Variants in MACF1 observed in about 807,000 individuals in gnomAD.
MACF1 encodes microtubule-actin cross-linking factor 1.
Under a neutral mutation model 854.8 loss-of-function variants are expected in MACF1, and 193 were observed. The ratio of observed to expected loss-of-function variants is 0.23; its 90% confidence interval spans 0.20 to 0.25. MACF1 has a LOEUF of 0.25. MACF1 is among the 10% of genes least tolerant of loss of function. MACF1 has a pLI of 1.00. For missense variants in MACF1, 7,722 were observed against 8,929.1 expected, an observed-to-expected ratio of 0.86 and a Z score of 5.45; for synonymous variants, 3,185 against 3,226.7, an observed-to-expected ratio of 0.99 and a Z score of 0.44.
chr1:39,479,974 C>T lies in MACF1; in HGVS notation c.22135C>T (p.Pro7379Ser). 1 of 1,584,850 alleles carries T rather than the reference C, an allele frequency of 6.3e-7. No homozygotes were observed. Among genetic ancestry groups the T allele is most frequent in the Non-Finnish European group, 8.6e-7 (1 of 1,160,964 alleles). Residue 7379 changes from proline (P) to serine (S), a missense_variant, in exon 98 of 101, where the codon CCA (proline) becomes TCA (serine). This residue lies in a region of MACF1 where 153 missense variants were observed against 342.5 expected (regional missense o/e 0.45). Coordinates refer to ENST00000564288, the MANE Select transcript of MACF1 (RefSeq NM_001394062.1). ...SQSNHSCTSM[P>S]SSPATPASGT... ...GAGTAACCACAGCTGTACATCCATG[C>T]CATCTTCTCCAGCCACCCCAGCCAG...
At chr1:39,132,132 A>G (rs972884028) in intron 2 of MACF1, among the ~76,000 whole-genome samples, 1 of 152,184 alleles carries the variant, frequency 6.6e-6, no homozygotes, top group South Asian at 2.1e-4. Context: ...TCAGAATTAG[A>G]TTGGGGGTAG....
rs963421570 is a variant in MACF1 at position 39,295,006 on chromosome 1, C to T, written c.2155-40C>T. 3 of 1,455,440 alleles carry T rather than the reference C, an allele frequency of 2.1e-6. No individual in the cohort carries two copies. The East Asian group carries it at 6.8e-5, about 33-fold the overall frequency. 90.2% of individuals were successfully genotyped at this position (1,455,440 alleles called of 1,614,324 possible). ...TATTTATGCTATCCGCTCCCCACTG[C>T]CAAGAGTGCTTATGCTGTAAAATTG... On this transcript the variant is annotated intron_variant, in intron 18 of 100. Transcript: ENST00000564288.
chr1:39,286,846 T>G (rs943266154), intron 14 of MACF1, among the ~76,000 whole-genome samples: 2 of 152,262 alleles, frequency 1.3e-5, no homozygotes, highest in Admixed American at 6.5e-5. Flanking sequence ...CACTGTAATT[T>G]GGCATTTGTC....
chr1:39,313,981 G>A (rs1340132132), intron 26 of MACF1, among the ~76,000 whole-genome samples: 1 of 152,082 alleles, frequency 6.6e-6, no homozygotes, highest in Non-Finnish European at 1.5e-5. Context: ...TCTCAACCCT[G>A]GAAATCAACT....
At chr1:39,095,293 T>C (rs1383103493) in intron 2 of MACF1, among the ~76,000 whole-genome samples, 2 of 152,168 alleles carry the variant, frequency 1.3e-5, no homozygotes, top group South Asian at 2.1e-4. Flanking sequence ...CTGGGTGCGG[T>C]GGCTCACGCC....
chr1:39,300,153 C>A, intron 21 of MACF1, 57 bp from the exon 22 acceptor site: 1 of 1,567,330 alleles, frequency 6.4e-7, no homozygotes, highest in Non-Finnish European at 8.7e-7. Flanking sequence ...TCTTTGTTGA[C>A]TTAGTCACCC....
chr1:39,134,327 T>A lies in MACF1; in HGVS notation c.220+49889T>A, dbSNP rs189397702. On this transcript the variant is annotated intron_variant, in intron 2 of 93. Transcript: ENST00000361689. Reference sequence around the variant, plus strand: ...TCCCAAAGTGCTGGGATTACAGGCATGAGCTACCGCACCCGGCCAGAAGAA... The same window carrying A: ...TCCCAAAGTGCTGGGATTACAGGCAAGAGCTACCGCACCCGGCCAGAAGAA... Among the ~76,000 whole-genome samples, 305 of 152,208 alleles carry A rather than the reference T, an allele frequency of 2.0e-3. 2 individuals carry two copies. Among genetic ancestry groups the A allele is most frequent in the African/African-American group, 7.1e-3 (295 of 41,518 alleles).
At chr1:39,133,766 A>G (rs916150367) in intron 2 of MACF1, among the ~76,000 whole-genome samples, 13 of 152,172 alleles carry the variant, frequency 8.5e-5, no homozygotes, top group African/African-American at 3.1e-4. Flanking sequence ...AGTACGATAC[A>G]TTGTTTGCTG....
intron 71 of MACF1, among the ~76,000 whole-genome samples, chr1:39,438,430 G>C (rs1644027533): frequency 6.6e-6 from 1 of 152,182 alleles, no homozygotes; most frequent in Non-Finnish European, 1.5e-5. Context: ...CTCATTTCTG[G>C]ATTACTTCTG....
chr1:39,205,013 G>A lies in MACF1; in HGVS notation c.-10G>A, dbSNP rs1019405377. 4.4e-5 allele frequency: 31 copies of A among 702,810 alleles called. No individual in the cohort carries two copies. The highest frequency in any genetic ancestry group is 6.5e-5 in the Non-Finnish European group (25 of 384,980). 43.5% of individuals were successfully genotyped at this position (702,810 alleles called of 1,614,324 possible). Reference sequence around the variant, plus strand: ...GCTAACTCAAGGGAGGAGAAAGGACGGGCCTGGAAATGCCCCTCTTAGATT... The same window carrying A: ...GCTAACTCAAGGGAGGAGAAAGGACAGGCCTGGAAATGCCCCTCTTAGATT... On this transcript the variant is annotated 5_prime_UTR_variant, in exon 1 of 101. Coordinates refer to ENST00000564288, the MANE Select transcript of MACF1 (RefSeq NM_001394062.1).
chr1:39,447,384 A>C, intron 80 of MACF1, 48 bp from the exon 81 acceptor site: 1 of 1,593,188 alleles, frequency 6.3e-7, no homozygotes, highest in Non-Finnish European at 8.6e-7. Flanking sequence ...TAATTCCTGA[A>C]ATTGGCGCTT....
Position 39,370,183 on chromosome 1 carries a change from G to A in MACF1, c.13092G>A (p.Leu4364=). The change falls in exon 51 of 101, where the codon CTG becomes CTA. Residue 4364 remains leucine (L), a synonymous_variant. Coordinates refer to ENST00000564288, the MANE Select transcript of MACF1 (RefSeq NM_001394062.1). ...AKELEKQIEH[L]KSLLDDWASK... is the part of the protein sequence containing the mutation. ...AGTTAGAAAAGCAGATTGAACACCT[G>A]AAGGTAGGTGAACAAAGGGACTCCA... 6.2e-7 allele frequency: 1 copy of A among 1,608,626 alleles called. No homozygotes were observed.
intron 58 of MACF1, chr1:39,414,538 A>C: frequency 6.3e-7 from 1 of 1,597,884 alleles, no homozygotes; most frequent in Non-Finnish European, 8.5e-7. Flanking sequence ...TGCAGGGCTG[A>C]CCTGGTGGTG....
At chr1:39,300,489 G>A in intron 22 of MACF1, 127 bp downstream of exon 22, 1 of 944,528 alleles carries the variant, frequency 1.1e-6, no homozygotes, top group Non-Finnish European at 1.5e-6. Context: ...TAAACATGCT[G>A]AAGTCTCTCC....
intron 69 of MACF1, among the ~76,000 whole-genome samples, chr1:39,435,189 T>C (rs541356437): frequency 1.3e-5 from 2 of 152,324 alleles, no homozygotes; most frequent in East Asian, 3.9e-4. Context: ...TATCTCAGTC[T>C]GGGGAGGTAG....
chr1:39,184,909 G>C (rs763718762), intron 2 of MACF1, among the ~76,000 whole-genome samples: 9 of 152,090 alleles, frequency 5.9e-5, no homozygotes, highest in Non-Finnish European at 1.3e-4. Context: ...CTTATAACTC[G>C]TTCATCTGAA....
chr1:39,408,362 T>C (rs1261181537), intron 58 of MACF1, among the ~76,000 whole-genome samples: 4 of 152,176 alleles, frequency 2.6e-5, no homozygotes, highest in Non-Finnish European at 5.9e-5. Context: ...CCGAATTCCT[T>C]TGGGACACCG....
intron 87 of MACF1, among the ~76,000 whole-genome samples, chr1:39,453,040 G>T (rs1644367593): frequency 6.6e-6 from 1 of 152,164 alleles, no homozygotes; most frequent in African/African-American, 2.4e-5. Flanking sequence ...ATATATGTTG[G>T]TTGTAACAAG....
At chr1:39,412,456 T>C (rs774459908) in intron 58 of MACF1, 42 of 1,613,918 alleles carry the variant, frequency 2.6e-5, no homozygotes, top group Non-Finnish European at 3.2e-5. Flanking sequence ...AGCCACACTT[T>C]TGGAGGATCA....
Sources: gnomAD v4.1 joint callset for allele counts (sites outside exome capture counted in the v4.1 genomes callset) on GRCh38, gnomAD v4.1.1 for gene constraint, gnomAD v4.1.1 regional missense constraint, MANE v1.5 for transcripts, NCBI Gene and HGNC (gene_info 2026-07-23, HGNC 2026-07-21) for gene names.